Variants in ASB13 observed in about 807,000 individuals in gnomAD.
ASB13 encodes the protein ankyrin repeat and SOCS box protein 13.
Under a neutral mutation model 28.8 loss-of-function variants are expected in ASB13, and 33 were observed. The ratio of observed to expected loss-of-function variants is 1.15; its 90% CI spans 0.87 to 1.53. The LOEUF (loss-of-function observed/expected upper bound fraction) is 1.53, where lower values mean the gene tolerates loss of function less well. Ranked by LOEUF, ASB13 falls within the 40% of genes most tolerant of loss-of-function variation. The probability of loss-of-function intolerance (pLI) is 0.00; values close to 1 mark genes in which losing one functional copy is unlikely to be tolerated. For synonymous variants in ASB13, 182 were observed against 172.9 expected (o/e 1.05, Z -0.41); for missense variants, 414 against 390.1 (o/e 1.06, Z -0.52).
In ASB13 at chr10:5,651,542, C is replaced by T; in HGVS notation, c.232-179G>A. 1 of 642,112 alleles carries T rather than the reference C, an allele frequency of 1.6e-6. No homozygotes were observed. The highest frequency in any genetic ancestry group is 3.2e-5 in the Admixed American group (1 of 31,310). The allele number at this position is 642,112 out of a possible 1,614,324, so 39.8% of individuals were successfully genotyped here. A position where few individuals can be genotyped will look rare whatever the true frequency, so the allele number is the denominator to read the frequency against. On this transcript the variant is annotated intron_variant, in intron 2 of 5. Transcript: ENST00000357700. This position sits in a 1 kb window ranked among gnomAD's most constrained non-coding sequence, Gnocchi z 5.1. Reference sequence around the variant, plus strand: ...CACGTGGCTGCGGAGCACCGACGGCCTCCTGAGTAGAGAAGTCATCTCGTT... The same window carrying T: ...CACGTGGCTGCGGAGCACCGACGGCTTCCTGAGTAGAGAAGTCATCTCGTT...
rs1431925532 is a variant in ASB13 at position 5,641,291 on chromosome 10, G to A, written c.710-461C>T. Among the ~76,000 whole-genome samples, 3 of 152,084 alleles carry A rather than the reference G, an allele frequency of 2.0e-5. No individual in the cohort carries two copies. Among genetic ancestry groups the A allele is most frequent in the Non-Finnish European group, 4.4e-5 (3 of 68,026 alleles). ...TAATTTTTATATTTTTAGTAGAGAT[G>A]GGGTTTCATCAAGTTGGCCAGGCTG... On this transcript the variant is annotated intron_variant, in intron 5 of 5. Transcript: ENST00000357700. The surrounding 1 kb of genome is among the most constrained non-coding windows in gnomAD (Gnocchi z 8.4).
In ASB13 at chr10:5,652,352, T is replaced by C. The variant is rs1588513900; in HGVS notation, c.231+511A>G. 6.6e-6 allele frequency among the ~76,000 whole-genome samples: 1 copy of C among 152,280 alleles called. No homozygotes were observed. The highest frequency in any genetic ancestry group is 1.5e-5 in the Non-Finnish European group (1 of 68,030). ...GTGTGCAGGGCCAGTGTTTGCCAGC[T>C]CGGGAGAGCTGGCTGCCAATGTGCC... On this transcript the variant is annotated intron_variant, in intron 2 of 5. Coordinates refer to ENST00000357700, the MANE Select transcript of ASB13 (RefSeq NM_024701.4). The surrounding 1 kb of genome is among the most constrained non-coding windows in gnomAD (Gnocchi z 5.0).
In ASB13 at chr10:5,640,786, TC is replaced by T; in HGVS notation, c.753del (p.Lys252ArgfsTer14). 6.2e-7 allele frequency: 1 copy of T among 1,614,130 alleles called. No homozygotes were observed. Among genetic ancestry groups the T allele is most frequent in the Non-Finnish European group, 8.5e-7 (1 of 1,180,018 alleles). On this transcript the variant is annotated frameshift_variant, in exon 6 of 6. Coordinates refer to ENST00000357700, the MANE Select transcript of ASB13 (RefSeq NM_024701.4). LOFTEE classifies it high-confidence loss of function. ...TLSQLCRVNL[R>X]KATGVRGLEK... ...TCCAGCCCTCGGACGCCAGTGGCCT[TC>T]CTCAAGTTCACCCTGCAGAGCTGTG... is the stretch of plus-strand genomic sequence containing the variant.
Position 5,649,915 on chromosome 10 carries a change from C to T in ASB13, c.383-811G>A, listed in dbSNP as rs555279358. Among the ~76,000 whole-genome samples the T allele has an allele frequency of 1.4e-4, 21 of 152,198 alleles. No homozygotes were observed. Among genetic ancestry groups the T allele is most frequent in the African/African-American group, 4.8e-4 (20 of 41,448 alleles). On this transcript the variant is annotated intron_variant, in intron 3 of 5. Coordinates refer to ENST00000357700, the MANE Select transcript of ASB13 (RefSeq NM_024701.4). The surrounding 1 kb of genome is among the most constrained non-coding windows in gnomAD (Gnocchi z 6.4). ...CAGGCCCCCCATCCTCCCGCCCCTG[C>T]ACATTCCGTCTAGGCTCCAACCTTT... is the stretch of plus-strand genomic sequence containing the variant.
At chr10:5,643,953 G>A (rs890784550) in intron 4 of ASB13, among the ~76,000 whole-genome samples, 3 of 152,222 alleles carry the variant, frequency 2.0e-5, no homozygotes, top group Admixed American at 6.5e-5. Flanking sequence ...ACGAGGCCTT[G>A]GCCAGGGGCT....
At position 5,659,668 on chromosome 10, in the gene ASB13, C is replaced by A. The variant is rs930595782; in HGVS notation, c.44-6618G>T. On this transcript the variant is annotated intron_variant, in intron 1 of 5. Transcript: ENST00000357700. The surrounding 1 kb of genome is among the most constrained non-coding windows in gnomAD (Gnocchi z 5.8). Reference sequence around the variant, plus strand: ...CCCGAGCATGCAGCCCACCCCCCCACGCCATCTCCACACTATTGCCCCACC... The same window carrying A: ...CCCGAGCATGCAGCCCACCCCCCCAAGCCATCTCCACACTATTGCCCCACC... Among the ~76,000 whole-genome samples, 66 of 150,298 alleles carry A rather than the reference C, an allele frequency of 4.4e-4. No individual in the cohort carries two copies. The highest frequency in any genetic ancestry group is 2.6e-4 in the Admixed American group (4 of 15,098).
At position 5,651,432 on chromosome 10, in the gene ASB13, G is replaced by T. The variant is rs934266025; in HGVS notation, c.232-69C>A. ...ACGCAACCCACTTTCCCATCCTGCT[G>T]CAGGTTCATCTTTGCTAAGATGCTT... On this transcript the variant is annotated intron_variant, in intron 2 of 5. Coordinates refer to ENST00000357700, the MANE Select transcript of ASB13 (RefSeq NM_024701.4). The surrounding 1 kb of genome is among the most constrained non-coding windows in gnomAD (Gnocchi z 5.1). The T allele has an allele frequency of 6.9e-7, 1 of 1,458,078 alleles. No homozygotes were observed. Among genetic ancestry groups the T allele is most frequent in the South Asian group, 1.4e-5 (1 of 72,472 alleles). The allele number at this position is 1,458,078 out of a possible 1,614,324, so 90.3% of individuals were successfully genotyped here. A position where few individuals can be genotyped will look rare whatever the true frequency, so the allele number is the denominator to read the frequency against.
Position 5,649,218 on chromosome 10 carries a change from C to A in ASB13, c.383-114G>T. On this transcript the variant is annotated intron_variant, in intron 3 of 5. Coordinates refer to ENST00000357700, the MANE Select transcript of ASB13 (RefSeq NM_024701.4). This position sits in a 1 kb window ranked among gnomAD's most constrained non-coding sequence, Gnocchi z 6.4. ...CATCCTTGGTGCAGGGCAGGGAAGC[C>A]AGGCAGGCCTGCGTCCCAACCTAGG... The A allele has an allele frequency of 2.7e-6, 4 of 1,462,552 alleles. No individual in the cohort carries two copies. Among genetic ancestry groups the A allele is most frequent in the Non-Finnish European group, 3.7e-6 (4 of 1,071,384 alleles). 90.6% of individuals were successfully genotyped at this position (1,462,552 alleles called of 1,614,324 possible).
chr10:5,664,901 G>A lies in ASB13; in HGVS notation c.43+1608C>T. 6.6e-6 allele frequency among the ~76,000 whole-genome samples: 1 copy of A among 152,114 alleles called. No individual in the cohort carries two copies. Among genetic ancestry groups the A allele is most frequent in the East Asian group, 1.9e-4 (1 of 5,200 alleles). On this transcript the variant is annotated intron_variant, in intron 1 of 5. Transcript: ENST00000357700. The surrounding 1 kb of genome is among the most constrained non-coding windows in gnomAD (Gnocchi z 4.2). Reference sequence around the variant, plus strand: ...GACAGAGTTTTGCTCTTGTCACCCAGGCTGGAGTGCAATGGCCCAATCTCG... The same window carrying A: ...GACAGAGTTTTGCTCTTGTCACCCAAGCTGGAGTGCAATGGCCCAATCTCG...
chr10:5,642,402 C>T lies in ASB13; in HGVS notation c.518-441G>A. On this transcript the variant is annotated intron_variant, in intron 4 of 5. Coordinates refer to ENST00000357700, the MANE Select transcript of ASB13 (RefSeq NM_024701.4). The surrounding 1 kb of genome is among the most constrained non-coding windows in gnomAD (Gnocchi z 4.1). Reference sequence around the variant, plus strand: ...GCCCAGGACGGAGGCTCCAGAAATACTGGTTGAATGAAAGAATAAATGTTC... The same window carrying T: ...GCCCAGGACGGAGGCTCCAGAAATATTGGTTGAATGAAAGAATAAATGTTC... 1 of 848,440 alleles carries T rather than the reference C, an allele frequency of 1.2e-6. No homozygotes were observed. Among genetic ancestry groups the T allele is most frequent in the Non-Finnish European group, 1.5e-6 (1 of 656,986 alleles). The allele number at this position is 848,440 out of a possible 1,614,324, so 52.6% of individuals were successfully genotyped here.
chr10:5,648,930 C>T, intron 4 of ASB13, 40 bp downstream of exon 4: 1 of 1,608,506 alleles, frequency 6.2e-7, no homozygotes, highest in African/African-American at 1.3e-5. Context: ...GGGCAAACAC[C>T]CACTCAGGTA....
Position 5,650,141 on chromosome 10 carries a change from T to C in ASB13, c.383-1037A>G, listed in dbSNP as rs1834961982. On this transcript the variant is annotated intron_variant, in intron 3 of 5. Transcript: ENST00000357700. The surrounding 1 kb of genome is among the most constrained non-coding windows in gnomAD (Gnocchi z 6.0). ...TCTTGAGCCTCCCCTTCATACGAAA[T>C]CCTATGGATTCCTTCCCCAACCCTA... Among the ~76,000 whole-genome samples the C allele has an allele frequency of 6.6e-6, 1 of 152,026 alleles. No homozygotes were observed. The highest frequency in any genetic ancestry group is 2.4e-5 in the African/African-American group (1 of 41,388).
chr10:5,666,566 G>A lies in ASB13; in HGVS notation c.-15C>T. The A allele has an allele frequency of 8.7e-7, 1 of 1,153,960 alleles. No homozygotes were observed. Among genetic ancestry groups the A allele is most frequent in the African/African-American group, 1.6e-5 (1 of 61,412 alleles). The allele number at this position is 1,153,960 out of a possible 1,614,324, so 71.5% of individuals were successfully genotyped here. A position where few individuals can be genotyped will look rare whatever the true frequency, so the allele number is the denominator to read the frequency against. ...CGGGGCTCCATGCGGCTCACCGGCG[G>A]CCGCGCGGCGACTCTGGGCGCCGGG... On this transcript the variant is annotated 5_prime_UTR_variant, in exon 1 of 6. Transcript: ENST00000357700.
At position 5,662,535 on chromosome 10, in the gene ASB13, G is replaced by GGGC. The variant is rs1564222810; in HGVS notation, c.43+3973_43+3974insGCC. ...ACAGACTGAGACTCTGTCGAGAAGGGGGGGGGAGGGGAGGGGAGGGGAGGG... is the reference window on the plus strand; with the variant it reads ...ACAGACTGAGACTCTGTCGAGAAGGGGGCGGGGGGAGGGGAGGGGAGGGGAGGG... On this transcript the variant is annotated intron_variant, in intron 1 of 5. Coordinates refer to ENST00000357700, the MANE Select transcript of ASB13 (RefSeq NM_024701.4). Among the ~76,000 whole-genome samples, 3 of 57,574 alleles carry GGGC rather than the reference G, an allele frequency of 5.2e-5. 1 individual carries two copies. Among genetic ancestry groups the GGGC allele is most frequent in the Non-Finnish European group, 4.0e-5 (1 of 24,942 alleles). The allele number at this position is 57,574 out of a possible 152,430, so 37.8% of individuals were successfully genotyped here.
At position 5,651,259 on chromosome 10, in the gene ASB13, G is replaced by A. The variant is rs1436428396; in HGVS notation, c.336C>T (p.Asn112=). The A allele has an allele frequency of 1.9e-6, 3 of 1,613,972 alleles. No homozygotes were observed. Among genetic ancestry groups the A allele is most frequent in the Admixed American group, 3.3e-5 (2 of 59,994 alleles). ...GGGGGGACGCTGTGTACAGGGGAGG[G>A]TTGACCTTGGCCCCGTAGGACAGCA... The part of the protein sequence containing the change: ...KLLLSYGAKV[N]PPLYTASPLH... The change falls in exon 3 of 6, where the codon AAC becomes AAT. Residue 112 remains asparagine, a synonymous_variant. Coordinates refer to ENST00000357700, the MANE Select transcript of ASB13 (RefSeq NM_024701.4). This position sits in a 1 kb window ranked among gnomAD's most constrained non-coding sequence, Gnocchi z 5.1.
Position 5,651,683 on chromosome 10 carries a change from G to A in ASB13, c.232-320C>T. 4.3e-6 allele frequency: 1 copy of A among 231,780 alleles called. No homozygotes were observed. The highest frequency in any genetic ancestry group is 5.7e-5 in the Admixed American group (1 of 17,502). The allele number at this position is 231,780 out of a possible 1,614,324, so 14.4% of individuals were successfully genotyped here. On this transcript the variant is annotated intron_variant, in intron 2 of 5. Transcript: ENST00000357700. The surrounding 1 kb of genome is among the most constrained non-coding windows in gnomAD (Gnocchi z 5.1). Reference sequence around the variant, plus strand: ...GAACCCTAGGCTGCAAGCTGGGAAAGGCAGGCTTTAAAAATGAGTTTTAAA... The same window carrying A: ...GAACCCTAGGCTGCAAGCTGGGAAAAGCAGGCTTTAAAAATGAGTTTTAAA...
chr10:5,653,864 T>C (rs71479733), intron 1 of ASB13, among the ~76,000 whole-genome samples: 28,497 of 151,928 alleles, frequency 0.19, 3,197 homozygotes, highest in Admixed American at 0.32. Context: ...CTATTTTCAG[T>C]AGAGATGGGG....
Position 5,661,349 on chromosome 10 carries a change from T to C in ASB13, c.43+5160A>G, listed in dbSNP as rs1314444944. Among the ~76,000 whole-genome samples, 2 of 152,134 alleles carry C rather than the reference T, an allele frequency of 1.3e-5. No homozygotes were observed. The highest frequency in any genetic ancestry group is 4.8e-5 in the African/African-American group (2 of 41,416). ...ACCCCGCCCCGCCGAGCCTGGGGCC[T>C]CTCCAGGGTCAGGGCCCACTCCAAC... On this transcript the variant is annotated intron_variant, in intron 1 of 5. Transcript: ENST00000357700. This position sits in a 1 kb window ranked among gnomAD's most constrained non-coding sequence, Gnocchi z 4.9.
Position 5,656,340 on chromosome 10 carries a change from C to A in ASB13, c.44-3290G>T, listed in dbSNP as rs904568493. Among the ~76,000 whole-genome samples the A allele has an allele frequency of 6.6e-6, 1 of 152,186 alleles. No homozygotes were observed. The highest frequency in any genetic ancestry group is 2.4e-5 in the African/African-American group (1 of 41,452). ...GGATCACGAGGTCAGGAGTTTGAGA[C>A]CAGCCTGGCCAACATGGTGAAACCC... On this transcript the variant is annotated intron_variant, in intron 1 of 5. Coordinates refer to ENST00000357700, the MANE Select transcript of ASB13 (RefSeq NM_024701.4). The surrounding 1 kb of genome is among the most constrained non-coding windows in gnomAD (Gnocchi z 4.3).
Sources: gnomAD v4.1 joint callset for allele counts (sites outside exome capture counted in the v4.1 genomes callset) on GRCh38, gnomAD v4.1.1 for gene constraint, Gnocchi (gnomAD v3.1) non-coding constraint, MANE v1.5 for transcripts, NCBI Gene and HGNC (gene_info 2026-07-23, HGNC 2026-07-21) for gene names.